Variants in HMCN1 observed in about 807,000 individuals in gnomAD.
HMCN1 encodes hemicentin-1.
Under a neutral mutation model 625.9 loss-of-function variants are expected in HMCN1, and 321 were observed. The ratio of observed to expected loss-of-function variants is 0.51; its 90% confidence interval spans 0.47 to 0.56. The LOEUF is 0.56. Ranked by LOEUF, HMCN1 falls within the 20% of genes least tolerant of loss-of-function variation. The pLI is 0.00. For synonymous variants in HMCN1, 2,425 were observed against 2,417.6 expected, an observed-to-expected ratio of 1.00 and a Z score of -0.09; for missense variants, 6,588 against 6,887.3, an observed-to-expected ratio of 0.96 and a Z score of 1.54.
At chr1:185,993,906 C>G (rs866512659) in intron 23 of HMCN1, among the ~76,000 whole-genome samples, 1 of 152,064 alleles carries the variant, frequency 6.6e-6, no homozygotes, top group African/African-American at 2.4e-5. Flanking sequence ...TGATTTCACT[C>G]TCAGATGAAT....
At chr1:186,021,759 A>G (rs1473695552) in intron 35 of HMCN1, among the ~76,000 whole-genome samples, 1 of 152,060 alleles carries the variant, frequency 6.6e-6, no homozygotes, top group African/African-American at 2.4e-5. Flanking sequence ...GAAAAGGTGG[A>G]GAGCCATGAA....
chr1:185,820,322 A>G (rs1660107820), intron 1 of HMCN1, among the ~76,000 whole-genome samples: 1 of 152,142 alleles, frequency 6.6e-6, no homozygotes, highest in Non-Finnish European at 1.5e-5. Context: ...ATACAAGGGC[A>G]TTAAAGCTAT....
At chr1:186,127,511 A>G (rs953046961) in intron 82 of HMCN1, among the ~76,000 whole-genome samples, 1 of 152,042 alleles carries the variant, frequency 6.6e-6, no homozygotes, top group Non-Finnish European at 1.5e-5. Context: ...GGAGGGGAAA[A>G]TAGGCGAGCA....
chr1:185,879,160 C>T (rs1471167311), intron 4 of HMCN1, among the ~76,000 whole-genome samples: 2 of 152,084 alleles, frequency 1.3e-5, no homozygotes, highest in East Asian at 1.9e-4. Context: ...CTTGCTTAGT[C>T]TCTGACCATA....
chr1:185,835,285 C>T (rs910774425), intron 1 of HMCN1, among the ~76,000 whole-genome samples: 6 of 152,144 alleles, frequency 3.9e-5, no homozygotes, highest in African/African-American at 1.4e-4. Context: ...GTGCACTGAT[C>T]ACAGTGATAC....
chr1:186,094,083 T>C (rs1659996126), intron 66 of HMCN1, among the ~76,000 whole-genome samples, 193 bp from the exon 67 acceptor site: 1 of 152,146 alleles, frequency 6.6e-6, no homozygotes, highest in African/African-American at 2.4e-5. Flanking sequence ...TGGTTTATTG[T>C]CACTGCCTAA....
At chr1:185,835,285 C>G (rs910774425) in intron 1 of HMCN1, among the ~76,000 whole-genome samples, 1 of 152,144 alleles carries the variant, frequency 6.6e-6, no homozygotes, top group Admixed American at 6.6e-5. Flanking sequence ...GTGCACTGAT[C>G]ACAGTGATAC....
chr1:185,881,817 A>T (rs1374648327), intron 4 of HMCN1, among the ~76,000 whole-genome samples: 4 of 152,250 alleles, frequency 2.6e-5, no homozygotes, highest in Non-Finnish European at 5.9e-5. Context: ...AAGTAAGCTC[A>T]GTAGAAATAG....
intron 11 of HMCN1, among the ~76,000 whole-genome samples, chr1:185,940,689 C>T (rs1668036236): frequency 6.6e-6 from 1 of 152,100 alleles, no homozygotes; most frequent in Non-Finnish European, 1.5e-5. Context: ...AGAAGGCTGG[C>T]TAATGTGATT....
At chr1:186,171,205 G>A in intron 100 of HMCN1, 132 bp from the exon 101 acceptor site, 1 of 693,814 alleles carries the variant, frequency 1.4e-6, no homozygotes, top group Non-Finnish European at 2.6e-6. Flanking sequence ...GATCACATGA[G>A]TGCAATATAT....
At chr1:185,764,935 C>A (rs975765074) in intron 1 of HMCN1, among the ~76,000 whole-genome samples, 5 of 152,166 alleles carry the variant, frequency 3.3e-5, no homozygotes, top group African/African-American at 1.2e-4. Context: ...CCTTGCCATT[C>A]ATAGGCAATG....
Position 185,989,548 on chromosome 1 carries a change from T to C in HMCN1, c.3109T>C (p.Tyr1037His). 1 of 1,614,088 alleles carries C rather than the reference T, an allele frequency of 6.2e-7. No homozygotes were observed. Among genetic ancestry groups the C allele is most frequent in the Non-Finnish European group, 8.5e-7 (1 of 1,179,956 alleles). ...KFSAGADGSL[Y>H]VVSPGGEESG... ...TTCAGCAGGAGCTGATGGTAGTCTG[T>C]ATGTGGTATCACCTGGAGGAGAGGA... The change falls in exon 21 of 107, where the codon TAT becomes CAT. Residue 1037 changes from tyrosine (Y) to histidine (H), a missense_variant. Tyr to His is a moderately conservative substitution (Grantham distance 83). Coordinates refer to ENST00000271588, the MANE Select transcript of HMCN1 (RefSeq NM_031935.3).
intron 89 of HMCN1, among the ~76,000 whole-genome samples, chr1:186,143,508 G>A (rs958363454): frequency 6.6e-6 from 1 of 152,208 alleles, no homozygotes; most frequent in African/African-American, 2.4e-5. Context: ...CCAAAGGAAG[G>A]CCTTAATATC....
At chr1:185,842,931 C>A (rs930897664) in intron 1 of HMCN1, among the ~76,000 whole-genome samples, 6 of 152,106 alleles carry the variant, frequency 3.9e-5, no homozygotes, top group African/African-American at 1.4e-4. Flanking sequence ...GCATAGGTCA[C>A]TCAGCATAAA....
At chr1:186,026,318 A>G (rs74607760) in intron 36 of HMCN1, among the ~76,000 whole-genome samples, 1,779 of 152,330 alleles carry the variant, frequency 0.012, 19 homozygotes, top group Middle Eastern at 0.048. Flanking sequence ...AAAAGACACC[A>G]TGCATTGAAA....
chr1:185,810,923 T>C (rs891221456), intron 1 of HMCN1, among the ~76,000 whole-genome samples: 1 of 152,196 alleles, frequency 6.6e-6, no homozygotes, highest in Non-Finnish European at 1.5e-5. Flanking sequence ...GGCATTCTGT[T>C]AGCAAAGAAC....
chr1:185,772,539 T>A (rs982903557), intron 1 of HMCN1, among the ~76,000 whole-genome samples: 1 of 152,152 alleles, frequency 6.6e-6, no homozygotes, highest in Admixed American at 6.6e-5. Flanking sequence ...CCATTGAATA[T>A]CTAGACAGTT....
chr1:185,835,526 G>C (rs185585856), intron 1 of HMCN1, among the ~76,000 whole-genome samples: 1 of 152,034 alleles, frequency 6.6e-6, no homozygotes, highest in East Asian at 1.9e-4. Flanking sequence ...AAATGCCTTT[G>C]GAGAAGATTC....
At chr1:186,146,784 G>GA (rs1650343115) in intron 93 of HMCN1, among the ~76,000 whole-genome samples, 1 of 152,098 alleles carries the variant, frequency 6.6e-6, no homozygotes. Context: ...GATGCACTTT[G>GA]TAGCTCAGCC....
Sources: gnomAD v4.1 joint callset for allele counts (sites outside exome capture counted in the v4.1 genomes callset) on GRCh38, gnomAD v4.1.1 for gene constraint, MANE v1.5 for transcripts, NCBI Gene and HGNC (gene_info 2026-07-23, HGNC 2026-07-21) for gene names.